The following SRGAP1 variants were observed in gnomAD, a reference collection of about 807,000 sequenced individuals.
SRGAP1 encodes SLIT-ROBO Rho GTPase-activating protein 1.
SRGAP1 carries 43 observed loss-of-function variants against 121.9 expected under a neutral mutation model. That is an observed-to-expected ratio of 0.35 (90% confidence interval 0.28 to 0.46). The LOEUF (loss-of-function observed/expected upper bound fraction) is 0.46. Among genes scored for constraint, SRGAP1 ranks in the 20% least tolerant of loss-of-function variants. The pLI is 1.00. For synonymous variants in SRGAP1, 447 were observed against 485.4 expected, an observed-to-expected ratio of 0.92 and a Z score of 1.04; for missense variants, 1,102 against 1,350.9, an observed-to-expected ratio of 0.82 and a Z score of 2.89.
intron 6 of SRGAP1, 78 bp from the exon 7 acceptor site, chr12:64,062,839 A>G: frequency 9.3e-7 from 1 of 1,074,766 alleles, no homozygotes; most frequent in Non-Finnish European, 1.4e-6. Context: ...TGAGAGTTTT[A>G]TAGCTGTAGG....
At chr12:63,876,781 G>C (rs1273866563) in intron 1 of SRGAP1, among the ~76,000 whole-genome samples, 1 of 152,112 alleles carries the variant, frequency 6.6e-6, no homozygotes, top group Non-Finnish European at 1.5e-5. Context: ...GGATCATGTA[G>C]TATTTAACTA....
chr12:64,004,963 A>G (rs1446975003), intron 3 of SRGAP1, among the ~76,000 whole-genome samples: 2 of 152,248 alleles, frequency 1.3e-5, no homozygotes, highest in South Asian at 4.1e-4. Context: ...TTGTACATAT[A>G]GCAAATATTT....
At chr12:63,853,556 A>C (rs1899144820) in intron 1 of SRGAP1, among the ~76,000 whole-genome samples, 2 of 152,338 alleles carry the variant, frequency 1.3e-5, no homozygotes, top group Admixed American at 1.3e-4. Flanking sequence ...TGTAAAATGG[A>C]AGGTGAAATA....
At chr12:63,893,838 T>C (rs994798028) in intron 1 of SRGAP1, among the ~76,000 whole-genome samples, 6 of 152,210 alleles carry the variant, frequency 3.9e-5, no homozygotes, top group African/African-American at 1.4e-4. Flanking sequence ...AAAGTCTTCA[T>C]TTTTGTTTGT....
intron 17 of SRGAP1, among the ~76,000 whole-genome samples, chr12:64,114,400 C>T (rs981176567): frequency 6.8e-5 from 9 of 132,624 alleles, no homozygotes; most frequent in East Asian, 6.7e-4. Flanking sequence ...AGCGCCATGG[C>T]GCAATCTTGA....
At chr12:63,883,728 G>GCAA (rs1900272364) in intron 1 of SRGAP1, among the ~76,000 whole-genome samples, 4 of 149,480 alleles carry the variant, frequency 2.7e-5, no homozygotes, top group Non-Finnish European at 5.9e-5. Context: ...ATGCAATCTC[G>GCAA]GCTCACTGCA....
intron 11 of SRGAP1, among the ~76,000 whole-genome samples, chr12:64,089,402 T>A (rs1375866918): frequency 6.6e-6 from 1 of 152,226 alleles, no homozygotes; most frequent in Non-Finnish European, 1.5e-5. Flanking sequence ...CTTCCTTCTG[T>A]GGCCTCCCTG....
chr12:64,126,185 A>G (rs746326755), intron 19 of SRGAP1, 28 bp downstream of exon 19: 7 of 1,602,300 alleles, frequency 4.4e-6, no homozygotes, highest in Admixed American at 3.3e-5. Flanking sequence ...TGATTGCCTG[A>G]GTGCTCCCAA....
rs561953398 is a variant in SRGAP1, at chr12:63,992,896, G to A, written c.426+2824G>A. On this transcript the variant is annotated intron_variant, in intron 3 of 21. Coordinates refer to ENST00000355086, the MANE Select transcript of SRGAP1 (RefSeq NM_020762.4). ...GTAGGGGGAATGCTCTATGCTTCCT[G>A]ATCAGCTTTCTCATTCCTAACCATT... 1.1e-4 allele frequency among the ~76,000 whole-genome samples: 17 copies of A among 152,256 alleles called. No homozygotes were observed. The South Asian group carries it at 3.3e-3, about 30-fold the overall frequency.
rs1452560779 is a variant in SRGAP1 at position 64,150,161 on chromosome 12, AGGGTGCGGAG to A, written c.*7494_*7503del. ...GTGCATGTGCACGTGTGTGGGTGGGAGGGTGCGGAGGGGTTGGGAAGAGAGATTGCTCCTC... is the reference window on the plus strand; with the variant it reads ...GTGCATGTGCACGTGTGTGGGTGGGAGGGTTGGGAAGAGAGATTGCTCCTC... On this transcript the variant is annotated 3_prime_UTR_variant, in exon 22 of 22. Transcript: ENST00000355086. The A allele has an allele frequency of 7.8e-6, 1 of 128,476 alleles. No individual in the cohort carries two copies. Among genetic ancestry groups the A allele is most frequent in the Non-Finnish European group, 1.6e-5 (1 of 62,774 alleles). 8.0% of individuals were successfully genotyped at this position (128,476 alleles called of 1,614,324 possible). A position where few individuals can be genotyped will look rare whatever the true frequency, so the allele number is the denominator to read the frequency against.
intron 8 of SRGAP1, among the ~76,000 whole-genome samples, chr12:64,074,256 G>T (rs958321038): frequency 2.0e-5 from 3 of 152,074 alleles, no homozygotes; most frequent in South Asian, 2.1e-4. Context: ...ACTAACTTTC[G>T]TGCTTTCTGT....
chr12:64,054,479 C>A (rs2035300311), intron 6 of SRGAP1, among the ~76,000 whole-genome samples: 1 of 152,136 alleles, frequency 6.6e-6, no homozygotes, highest in Non-Finnish European at 1.5e-5. Context: ...CTTAGTTTGA[C>A]TTTTCCCCCA....
rs184258683 is a variant in SRGAP1 at position 63,936,970 on chromosome 12, G to A, written c.68-46977G>A. ...CCTCTGCTTTTTCAAATGAGAGAGC[G>A]CCATATCAGTGGAGAGATGTGGTAC... On this transcript the variant is annotated intron_variant, in intron 1 of 21. Transcript: ENST00000355086. Among the ~76,000 whole-genome samples the A allele has an allele frequency of 3.9e-5, 6 of 152,276 alleles. No individual in the cohort carries two copies. In the South Asian group the frequency reaches 6.2e-4, roughly 16 times the overall value.
intron 1 of SRGAP1, among the ~76,000 whole-genome samples, chr12:63,954,718 G>A (rs1387214035): frequency 1.3e-5 from 2 of 149,956 alleles, no homozygotes; most frequent in Non-Finnish European, 3.0e-5. Flanking sequence ...TGTGAGTAGA[G>A]GCAATTTGAA....
chr12:63,894,484 T>A (rs11175202), intron 1 of SRGAP1, among the ~76,000 whole-genome samples: 11,118 of 151,756 alleles, frequency 0.073, 576 homozygotes, highest in East Asian at 0.24. Context: ...TTTTTTTTTT[T>A]AATTATACTT....
At chr12:63,865,068 A>G (rs919338387) in intron 1 of SRGAP1, among the ~76,000 whole-genome samples, 1 of 152,180 alleles carries the variant, frequency 6.6e-6, no homozygotes, top group Non-Finnish European at 1.5e-5. Flanking sequence ...TGAATTTTAA[A>G]TCATTATTAC....
chr12:63,918,218 G>C (rs1326274769), intron 1 of SRGAP1, among the ~76,000 whole-genome samples: 1 of 152,082 alleles, frequency 6.6e-6, no homozygotes, highest in East Asian at 1.9e-4. Flanking sequence ...TATTGTGCTG[G>C]ACAAAGTGCT....
At chr12:63,848,816 T>C (rs982265641) in intron 1 of SRGAP1, among the ~76,000 whole-genome samples, 3 of 152,360 alleles carry the variant, frequency 2.0e-5, no homozygotes, top group East Asian at 3.9e-4. Context: ...AGTTGGCTGC[T>C]CTGTTTTGTG....
chr12:63,968,861 C>T (rs919201106), intron 1 of SRGAP1, among the ~76,000 whole-genome samples: 1 of 152,194 alleles, frequency 6.6e-6, no homozygotes, highest in African/African-American at 2.4e-5. Flanking sequence ...CTCATGGTTA[C>T]TTGGCACCTG....
Sources: allele counts gnomAD v4.1 joint callset (sites outside exome capture counted in the v4.1 genomes callset), GRCh38; gene constraint gnomAD v4.1.1; transcripts MANE v1.5; gene names NCBI Gene and HGNC (gene_info 2026-07-23, HGNC 2026-07-21).